Variants in FAM3C observed in about 807,000 individuals in gnomAD.
FAM3C encodes the protein protein FAM3C.
FAM3C carries 15 observed loss-of-function variants against 32.5 expected under a neutral mutation model. That is an observed-to-expected ratio of 0.46 (90% confidence interval 0.31 to 0.71). The LOEUF is 0.71. Ranked by LOEUF, FAM3C falls within the 30% of genes least tolerant of loss-of-function variation. The pLI, the probability that FAM3C is intolerant of heterozygous loss-of-function variation, is 0.05. For synonymous variants in FAM3C, 75 were observed against 86.1 expected (o/e 0.87, Z 0.72); for missense variants, 175 against 274.4 (o/e 0.64, Z 2.56).
chr7:121,360,608 G>A (rs1358650623), intron 7 of FAM3C, among the ~76,000 whole-genome samples: 2 of 152,076 alleles, frequency 1.3e-5, no homozygotes, highest in Admixed American at 1.3e-4. Context: ...CAGGGCTGGG[G>A]GATGGCTTGA....
At chr7:121,361,104 A>T (rs2536169) in intron 7 of FAM3C, among the ~76,000 whole-genome samples, 10,170 of 152,254 alleles carry the variant, frequency 0.067, 1,137 homozygotes, top group African/African-American at 0.23. Flanking sequence ...TTGATCTACC[A>T]AATCAAAATC....
At chr7:121,391,511 T>A (rs922544675) in intron 1 of FAM3C, among the ~76,000 whole-genome samples, 2 of 152,206 alleles carry the variant, frequency 1.3e-5, no homozygotes, top group African/African-American at 4.8e-5. Context: ...AACTGCTATC[T>A]TCATCTCATG....
chr7:121,370,639 T>C (rs1363187545), intron 5 of FAM3C, among the ~76,000 whole-genome samples: 6 of 152,062 alleles, frequency 3.9e-5, no homozygotes, highest in Admixed American at 3.9e-4. Context: ...CTAAAAACCA[T>C]CCTTTAGAAA....
chr7:121,357,554 T>C (rs1313780197), intron 8 of FAM3C, among the ~76,000 whole-genome samples: 2 of 152,112 alleles, frequency 1.3e-5, no homozygotes, highest in Non-Finnish European at 2.9e-5. Flanking sequence ...TGTTGTCCAT[T>C]TCAGTATAAA....
At chr7:121,374,302 TA>T (rs1019889077) in intron 3 of FAM3C, among the ~76,000 whole-genome samples, 3 of 152,232 alleles carry the variant, frequency 2.0e-5, no homozygotes, top group African/African-American at 4.8e-5. Context: ...TAAAGTTTTA[TA>T]AAAAATTGTT....
chr7:121,358,405 T>C (rs1461038984), intron 8 of FAM3C, among the ~76,000 whole-genome samples: 2 of 152,066 alleles, frequency 1.3e-5, no homozygotes, highest in Non-Finnish European at 2.9e-5. Context: ...AGGATGTTTT[T>C]TATCCTTGAT....
intron 2 of FAM3C, among the ~76,000 whole-genome samples, chr7:121,381,955 C>T (rs1196716942): frequency 1.3e-5 from 2 of 152,274 alleles, no homozygotes; most frequent in South Asian, 4.1e-4. Context: ...TTTGTTCACC[C>T]AGCTTGACTT....
intron 1 of FAM3C, among the ~76,000 whole-genome samples, chr7:121,388,360 G>C (rs542971969): frequency 2.7e-4 from 41 of 151,858 alleles, no homozygotes; most frequent in Non-Finnish European, 5.3e-4. Flanking sequence ...AAGTATCCCA[G>C]ATTTTTAAAG....
In FAM3C at chr7:121,379,244, G is replaced by A. The variant is rs549803205; in HGVS notation, c.14-230C>T. ...TATCTAGCTATCCAAAGGACTGCTT[G>A]AACCATCTGCCTAGTTTTATATGCA... On this transcript the variant is annotated intron_variant, in intron 2 of 9. Coordinates refer to ENST00000359943, the MANE Select transcript of FAM3C (RefSeq NM_014888.3). Among the ~76,000 whole-genome samples, 8 of 152,142 alleles carry A rather than the reference G, an allele frequency of 5.3e-5. No homozygotes were observed. The South Asian group carries it at 1.7e-3, about 32-fold the overall frequency.
At chr7:121,391,197 T>A (rs1794571277) in intron 1 of FAM3C, among the ~76,000 whole-genome samples, 1 of 152,114 alleles carries the variant, frequency 6.6e-6, no homozygotes, top group South Asian at 2.1e-4. Context: ...ACCACAAACA[T>A]ACCCAAAACA....
At chr7:121,383,401 T>C (rs1216189973) in intron 1 of FAM3C, among the ~76,000 whole-genome samples, 1 of 152,186 alleles carries the variant, frequency 6.6e-6, no homozygotes, top group African/African-American at 2.4e-5. Context: ...AACAAATTAT[T>C]TGTAGACATG....
At chr7:121,363,887 T>C (rs2116896143) in intron 6 of FAM3C, among the ~76,000 whole-genome samples, 1 of 152,298 alleles carries the variant, frequency 6.6e-6, no homozygotes, top group East Asian at 1.9e-4. Context: ...GATGTTAGAC[T>C]GCTTGGTTTC....
At chr7:121,357,095 C>G (rs577999320) in intron 8 of FAM3C, among the ~76,000 whole-genome samples, 1 of 152,228 alleles carries the variant, frequency 6.6e-6, no homozygotes, top group Admixed American at 6.5e-5. Context: ...TTGTAAAGGA[C>G]AGGGGTTCTA....
chr7:121,388,911 C>T (rs1318539466), intron 1 of FAM3C, among the ~76,000 whole-genome samples: 2 of 152,140 alleles, frequency 1.3e-5, no homozygotes, highest in African/African-American at 2.4e-5. Flanking sequence ...CCTCCACAAT[C>T]CACCATAAAC....
chr7:121,367,451 A>G (rs1794044516), intron 5 of FAM3C, among the ~76,000 whole-genome samples: 1 of 152,200 alleles, frequency 6.6e-6, no homozygotes, highest in Non-Finnish European at 1.5e-5. Flanking sequence ...TTAAATGATT[A>G]TGTAAGTACA....
At position 121,363,701 on chromosome 7, in the gene FAM3C, T is replaced by C. The variant is rs936219374; in HGVS notation, c.331+429A>G. Among the ~76,000 whole-genome samples, 32 of 152,272 alleles carry C rather than the reference T, an allele frequency of 2.1e-4. 1 individual carries two copies. Among genetic ancestry groups the C allele is most frequent in the Non-Finnish European group, 2.4e-4 (16 of 67,976 alleles). On this transcript the variant is annotated intron_variant, in intron 6 of 9. Coordinates refer to ENST00000359943, the MANE Select transcript of FAM3C (RefSeq NM_014888.3). ...AGATGTTCAGGATTCAATCAACTTA[T>C]TCATACTAATTAAGCTATCAGAAGA...
chr7:121,352,741 C>G (rs1282252606), intron 8 of FAM3C, among the ~76,000 whole-genome samples: 1 of 152,170 alleles, frequency 6.6e-6, no homozygotes, highest in Admixed American at 6.5e-5. Flanking sequence ...ACTTGATAAC[C>G]AACTTTGGTG....
At chr7:121,364,286 A>G in intron 5 of FAM3C, 98 bp from the exon 6 acceptor site, 1 of 776,002 alleles carries the variant, frequency 1.3e-6, no homozygotes. Flanking sequence ...AATATTATAC[A>G]TATTTTCAAT....
At chr7:121,390,528 T>C (rs952938465) in intron 1 of FAM3C, among the ~76,000 whole-genome samples, 3 of 152,148 alleles carry the variant, frequency 2.0e-5, no homozygotes, top group African/African-American at 7.2e-5. Flanking sequence ...AGATTGGAAA[T>C]TAGGGCTTAG....
Sources: gnomAD v4.1 joint callset for allele counts (sites outside exome capture counted in the v4.1 genomes callset) on GRCh38, gnomAD v4.1.1 for gene constraint, MANE v1.5 for transcripts, NCBI Gene and HGNC (gene_info 2026-07-23, HGNC 2026-07-21) for gene names.